Variants in RUBCN observed in about 807,000 individuals in gnomAD.
RUBCN encodes the protein rubicon autophagy regulator.
RUBCN carries 74 observed loss-of-function variants against 113.2 expected under a neutral mutation model. The ratio of observed to expected loss-of-function variants is 0.65; its 90% CI spans 0.54 to 0.79. The LOEUF is 0.79. Among genes scored for constraint, RUBCN ranks in the 30% least tolerant of loss-of-function variants. The probability of loss-of-function intolerance (pLI) is 0.00; values close to 1 mark genes in which losing one functional copy is unlikely to be tolerated. For synonymous variants in RUBCN, 480 were observed against 490.0 expected, an observed-to-expected ratio of 0.98 and a Z score of 0.27; for missense variants, 1,109 against 1,251.7, an observed-to-expected ratio of 0.89 and a Z score of 1.72.
In RUBCN at chr3:197,674,861, C is replaced by CGTGT; in HGVS notation, c.*156_*157insACAC. On this transcript the variant is annotated 3_prime_UTR_variant, in exon 20 of 20. Transcript: ENST00000296343. ...CAACCTGCCGACGGCTGACTGCACA[C>CGTGT]AGACGTCAGACAAGTCAGTAAAAAA... The CGTGT allele has an allele frequency of 3.3e-6, 2 of 603,728 alleles. No homozygotes were observed. Among genetic ancestry groups the CGTGT allele is most frequent in the Non-Finnish European group, 5.3e-6 (2 of 379,482 alleles). 37.4% of individuals were successfully genotyped at this position (603,728 alleles called of 1,614,324 possible). A position where few individuals can be genotyped will look rare whatever the true frequency, so the allele number is the denominator to read the frequency against.
At chr3:197,748,687 T>C (rs1363870539) in intron 1 of RUBCN, among the ~76,000 whole-genome samples, 1 of 152,140 alleles carries the variant, frequency 6.6e-6, no homozygotes, top group Non-Finnish European at 1.5e-5. Flanking sequence ...GACCGCAAAA[T>C]TGTCACTGCA....
chr3:197,686,886 C>G lies in RUBCN; in HGVS notation c.1787-2669G>C, dbSNP rs115063382. ...GTTTTTGCCATTACTTTTGCACCAA[C>G]TTCATAGAATAAGGCCATTATTACT... On this transcript the variant is annotated intron_variant, in intron 11 of 19. Coordinates refer to ENST00000296343, the MANE Select transcript of RUBCN (RefSeq NM_014687.4). 9.7e-3 allele frequency among the ~76,000 whole-genome samples: 1,484 copies of G among 152,278 alleles called. 15 individuals carry two copies. The highest frequency in any genetic ancestry group is 0.026 in the African/African-American group (1,077 of 41,544).
At chr3:197,726,786 C>T (rs7643265) in intron 1 of RUBCN, among the ~76,000 whole-genome samples, 1 of 151,646 alleles carries the variant, frequency 6.6e-6, no homozygotes, top group African/African-American at 2.4e-5. Flanking sequence ...ATGATCCGCC[C>T]GCCTCAGCCT....
At chr3:197,678,631 C>T (rs1720777444) in intron 16 of RUBCN, among the ~76,000 whole-genome samples, 1 of 151,834 alleles carries the variant, frequency 6.6e-6, no homozygotes, top group African/African-American at 2.4e-5. Context: ...TGGCTCCAGA[C>T]TGTCCTACGC....
Position 197,736,690 on chromosome 3 carries a change from G to A in RUBCN, c.30C>T (p.Leu10=), listed in dbSNP as rs1728174200. 3 of 1,531,986 alleles carry A rather than the reference G, an allele frequency of 2.0e-6. No individual in the cohort carries two copies. Among genetic ancestry groups the A allele is most frequent in the South Asian group, 1.2e-5 (1 of 83,858 alleles). The allele number at this position is 1,531,986 out of a possible 1,614,324, so 94.9% of individuals were successfully genotyped here. The change falls in exon 1 of 20, where the codon CTC becomes CTT. Residue 10 remains leucine, a synonymous_variant. Coordinates refer to ENST00000296343, the MANE Select transcript of RUBCN (RefSeq NM_014687.4). ...CAGGCAGGCGCTCCTCGCCGCCTCC[G>A]AGCTCCATTCCCGCGCCCTCCGGCC... is the stretch of plus-strand genomic sequence containing the variant. MRPEGAGME[L]GGGEERLPEE...
upstream of RUBCN, among the ~76,000 whole-genome samples, chr3:197,741,680 A>T (rs1183660873): frequency 6.6e-6 from 1 of 151,904 alleles, no homozygotes; most frequent in African/African-American, 2.4e-5. Flanking sequence ...AAAATTCGCC[A>T]GGCATGGTGG....
chr3:197,741,989 C>A (rs1259551020), intron 1 of RUBCN, among the ~76,000 whole-genome samples: 2 of 151,580 alleles, frequency 1.3e-5, no homozygotes, highest in African/African-American at 4.8e-5. Context: ...CCTCTGCCTC[C>A]CAGGTTCAAG....
upstream of RUBCN, chr3:197,737,007 C>T: frequency 8.7e-7 from 1 of 1,147,972 alleles, no homozygotes; most frequent in Non-Finnish European, 1.1e-6. Context: ...TCGCAGACCG[C>T]GCCCCTCCAA....
intron 2 of RUBCN, among the ~76,000 whole-genome samples, chr3:197,705,491 G>A (rs946641837): frequency 8.0e-5 from 12 of 150,844 alleles, no homozygotes; most frequent in African/African-American, 2.7e-4. Flanking sequence ...CTTGAACCTG[G>A]GAGGTCAAAG....
intron 1 of RUBCN, among the ~76,000 whole-genome samples, chr3:197,725,518 A>ATTTT (rs1182710026): frequency 1.7e-4 from 20 of 120,836 alleles, no homozygotes; most frequent in African/African-American, 6.4e-4. Flanking sequence ...TGACAGGAGA[A>ATTTT]TCTTTTTTTT....
intron 2 of RUBCN, among the ~76,000 whole-genome samples, chr3:197,716,566 A>G (rs1488710366): frequency 6.6e-6 from 1 of 152,234 alleles, no homozygotes; most frequent in Non-Finnish European, 1.5e-5. Context: ...TAAGATTCAG[A>G]AGGAAAAGCT....
intron 11 of RUBCN, among the ~76,000 whole-genome samples, chr3:197,692,355 T>C (rs1040750515): frequency 1.3e-5 from 2 of 151,948 alleles, no homozygotes; most frequent in Non-Finnish European, 2.9e-5. Flanking sequence ...ATGTGGCTGC[T>C]CATTTGGATC....
chr3:197,685,985 C>A (rs769480820), intron 11 of RUBCN, among the ~76,000 whole-genome samples: 1 of 151,942 alleles, frequency 6.6e-6, no homozygotes, highest in Non-Finnish European at 1.5e-5. Flanking sequence ...TTTCAGAAAA[C>A]ATTTTCTGAA....
At chr3:197,708,192 A>G (rs1262784324) in intron 2 of RUBCN, among the ~76,000 whole-genome samples, 1 of 151,742 alleles carries the variant, frequency 6.6e-6, no homozygotes, top group Non-Finnish European at 1.5e-5. Flanking sequence ...CTGGAGTGCA[A>G]TGGTGCAATC....
chr3:197,699,851 C>T (rs1205427858), intron 7 of RUBCN, among the ~76,000 whole-genome samples: 1 of 152,004 alleles, frequency 6.6e-6, no homozygotes, highest in Non-Finnish European at 1.5e-5. Flanking sequence ...TATTTTATTT[C>T]TGGGGCTTTC....
At chr3:197,736,504 C>G in intron 1 of RUBCN, 151 bp downstream of exon 1, 1 of 540,966 alleles carries the variant, frequency 1.8e-6, no homozygotes, top group Non-Finnish European at 3.4e-6. Flanking sequence ...CGTCCTTCCT[C>G]TGCGAAATGC....
chr3:197,690,314 T>G (rs929414465), intron 11 of RUBCN, among the ~76,000 whole-genome samples: 19 of 152,172 alleles, frequency 1.2e-4, no homozygotes, highest in Non-Finnish European at 2.6e-4. Context: ...GGCAGCTGCC[T>G]GTAGTCCCAG....
intron 1 of RUBCN, among the ~76,000 whole-genome samples, chr3:197,726,571 G>A (rs1223832491): frequency 5.3e-5 from 8 of 151,192 alleles, no homozygotes; most frequent in East Asian, 1.9e-4. Flanking sequence ...ACAGAGTCTC[G>A]CTCTGTCACC....
intron 16 of RUBCN, among the ~76,000 whole-genome samples, chr3:197,678,363 C>T (rs1257860773): frequency 6.6e-6 from 1 of 151,130 alleles, no homozygotes; most frequent in African/African-American, 2.4e-5. Context: ...GCTCTAACAA[C>T]TGGCTTCAGA....
Sources: gnomAD v4.1 joint callset for allele counts (sites outside exome capture counted in the v4.1 genomes callset) on GRCh38, gnomAD v4.1.1 for gene constraint, MANE v1.5 for transcripts, NCBI Gene and HGNC (gene_info 2026-07-23, HGNC 2026-07-21) for gene names.